Variants in SSX2IP observed in about 807,000 individuals in gnomAD.
SSX2IP encodes SSX family member 2 interacting protein.
Under a neutral mutation model 84.9 loss-of-function variants are expected in SSX2IP, and 55 were observed. The observed-to-expected ratio is 0.65, with a 90% CI of 0.52 to 0.81. SSX2IP has a LOEUF of 0.81. SSX2IP is among the 30% of genes least tolerant of loss of function. The pLI, the probability that SSX2IP is intolerant of heterozygous loss-of-function variation, is 0.00. For missense variants in SSX2IP, 664 were observed against 705.2 expected, an observed-to-expected ratio of 0.94 and a Z score of 0.66; for synonymous variants, 239 against 234.7, an observed-to-expected ratio of 1.02 and a Z score of -0.17.
At chr1:84,665,073 G>A (rs1202509551) in intron 5 of SSX2IP, among the ~76,000 whole-genome samples, 1 of 152,138 alleles carries the variant, frequency 6.6e-6, no homozygotes, top group Non-Finnish European at 1.5e-5. Flanking sequence ...TATCTACTAG[G>A]TGCCAGACAC....
In SSX2IP at chr1:84,662,170, C is replaced by A. The variant is rs202229942; in HGVS notation, c.927+28G>T. On this transcript the variant is annotated intron_variant, in intron 8 of 13. Transcript: ENST00000342203. ...ATTATTCTTATTAGCAATCTGAAGA[C>A]TGTATTAGAGAGGAAAGAGCCACTT... 5 of 1,440,438 alleles carry A rather than the reference C, an allele frequency of 3.5e-6. No individual in the cohort carries two copies. In the East Asian group the frequency reaches 1.1e-4, roughly 33 times the overall value. 89.2% of individuals were successfully genotyped at this position (1,440,438 alleles called of 1,614,324 possible).
In SSX2IP at chr1:84,666,178, G is replaced by A; in HGVS notation, c.481C>T (p.Gln161Ter). 1 of 1,612,778 alleles carries A rather than the reference G, an allele frequency of 6.2e-7. No individual in the cohort carries two copies. Among genetic ancestry groups the A allele is most frequent in the Non-Finnish European group, 8.5e-7 (1 of 1,179,300 alleles). The change falls in exon 5 of 14, where the codon CAG becomes TAG. Residue 161 changes from glutamine (Q) to a stop codon, truncating the protein, a stop_gained. Transcript: ENST00000342203. LOFTEE classifies it high-confidence loss of function. ...AAATTCCTGTTCTTACATTGTAACT[G>A]TCTGTCTCTTTCCTGAAGCCCAATC... ...EMIGLQERDR[Q>*]LQCKNRNLHQ...
chr1:84,650,134 A>T, intron 13 of SSX2IP: 1 of 616,584 alleles, frequency 1.6e-6, no homozygotes, highest in Non-Finnish European at 2.9e-6. Context: ...CATATGATTT[A>T]CCTCCAAGAA....
Position 84,670,773 on chromosome 1 carries a change from G to A in SSX2IP, c.86C>T (p.Ser29Phe). Residue 29 changes from serine to phenylalanine, a missense_variant, in exon 3 of 14, where the codon TCT becomes TTT. Ser to Phe is a radical substitution (Grantham distance 155). Coordinates refer to ENST00000342203, the MANE Select transcript of SSX2IP (RefSeq NM_001166293.2). Reference protein sequence around the residue: ...ISQYTSETKMSPSSLYSQQVL... With the variant: ...ISQYTSETKMFPSSLYSQQVL... ...TTGCTGTGAGTATAAACTTGATGGAGACATCTTTGTTTCTGAGGTATATTG... is the reference window on the plus strand; with the variant it reads ...TTGCTGTGAGTATAAACTTGATGGAAACATCTTTGTTTCTGAGGTATATTG... 6.2e-7 allele frequency: 1 copy of A among 1,612,720 alleles called. No individual in the cohort carries two copies. Among genetic ancestry groups the A allele is most frequent in the East Asian group, 2.2e-5 (1 of 44,782 alleles).
chr1:84,685,278 T>C (rs1449961776), intron 1 of SSX2IP, among the ~76,000 whole-genome samples: 6 of 152,234 alleles, frequency 3.9e-5, no homozygotes, highest in Non-Finnish European at 8.8e-5. Context: ...AATGACCCTC[T>C]TCCTTTAAAA....
intron 1 of SSX2IP, 41 bp from the exon 2 acceptor site, chr1:84,671,349 A>G: frequency 7.0e-7 from 1 of 1,426,564 alleles, no homozygotes; most frequent in Non-Finnish European, 9.2e-7. Flanking sequence ...CTAATTTAAA[A>G]TATGAAAGCC....
chr1:84,664,516 T>C lies in SSX2IP; in HGVS notation c.574A>G (p.Thr192Ala). Reference sequence around the variant, plus strand: ...CTCTTCATATCATGATTATACTGAGTAGCTCGACTTGCAATGATATTTTGT... The same window carrying C: ...CTCTTCATATCATGATTATACTGAGCAGCTCGACTTGCAATGATATTTTGT... ...KLQNIIASRATQYNHDMKRKE... is the reference protein window; with the variant it reads ...KLQNIIASRAAQYNHDMKRKE... The change falls in exon 6 of 14, where the codon ACT becomes GCT. Residue 192 changes from threonine (T) to alanine (A), a missense_variant. By Grantham distance (58) the Thr-to-Ala change is moderately conservative (BLOSUM62 0). Coordinates refer to ENST00000342203, the MANE Select transcript of SSX2IP (RefSeq NM_001166293.2). 1 of 1,589,590 alleles carries C rather than the reference T, an allele frequency of 6.3e-7. No homozygotes were observed. Among genetic ancestry groups the C allele is most frequent in the Non-Finnish European group, 8.5e-7 (1 of 1,171,030 alleles).
chr1:84,656,300 A>G (rs2994441), intron 10 of SSX2IP, 48 bp downstream of exon 10: 83,296 of 1,584,044 alleles, frequency 0.053, 2,935 homozygotes, highest in African/African-American at 0.17. Flanking sequence ...GTTCAGCACA[A>G]TTCTGGCTTT....
intron 9 of SSX2IP, among the ~76,000 whole-genome samples, chr1:84,657,870 C>T (rs1338789601): frequency 6.6e-6 from 1 of 152,148 alleles, no homozygotes; most frequent in Non-Finnish European, 1.5e-5. Flanking sequence ...CAGTGGCTCA[C>T]ACGTGTAATC....
chr1:84,653,808 T>C (rs1557471015), intron 11 of SSX2IP, among the ~76,000 whole-genome samples: 1 of 152,132 alleles, frequency 6.6e-6, no homozygotes, highest in Non-Finnish European at 1.5e-5. Flanking sequence ...AATAGAAAAC[T>C]GACCATGGAT....
chr1:84,649,320 T>A (rs1649893740), intron 13 of SSX2IP, among the ~76,000 whole-genome samples: 1 of 152,210 alleles, frequency 6.6e-6, no homozygotes, highest in Admixed American at 6.5e-5. Context: ...CCATTGCAAA[T>A]GTATGAGGTG....
chr1:84,651,814 G>C (rs1371928158), intron 12 of SSX2IP, 69 bp downstream of exon 12: 1 of 911,714 alleles, frequency 1.1e-6, no homozygotes, highest in East Asian at 2.7e-5. Flanking sequence ...ATAATATGTA[G>C]TATTTTGTAA....
At chr1:84,673,276 C>T (rs1416746458) in intron 1 of SSX2IP, among the ~76,000 whole-genome samples, 2 of 152,038 alleles carry the variant, frequency 1.3e-5, no homozygotes, top group Admixed American at 6.6e-5. Flanking sequence ...TCCACTGAAA[C>T]GGTGACATCT....
intron 8 of SSX2IP, among the ~76,000 whole-genome samples, chr1:84,658,735 T>C (rs762291562): frequency 1.3e-5 from 2 of 152,236 alleles, no homozygotes; most frequent in Non-Finnish European, 2.9e-5. Flanking sequence ...TATCACTACC[T>C]GTCTAATGTG....
In SSX2IP at chr1:84,649,328, G is replaced by T. The variant is rs1453066199; in HGVS notation, c.1670+1034C>A. On this transcript the variant is annotated intron_variant, in intron 13 of 13. Transcript: ENST00000342203. ...TTGGTCACCATTGCAAATGTATGAG[G>T]TGTGTCCCACCCTCAGGGTTCCTAC... 2.0e-5 allele frequency among the ~76,000 whole-genome samples: 3 copies of T among 152,110 alleles called. No individual in the cohort carries two copies. In the East Asian group the frequency reaches 5.8e-4, roughly 29 times the overall value.
Position 84,649,397 on chromosome 1 carries a change from A to G in SSX2IP, c.1670+965T>C, listed in dbSNP as rs145502530. Among the ~76,000 whole-genome samples the G allele has an allele frequency of 2.8e-3, 433 of 152,218 alleles. 1 individual carries two copies. Among genetic ancestry groups the G allele is most frequent in the Non-Finnish European group, 5.2e-3 (354 of 68,008 alleles). ...TACCTAGCTCTTTTTCATCCCCTCT[A>G]ACATTTACTTGGAGTCCTAATCCCC... On this transcript the variant is annotated intron_variant, in intron 13 of 13. Coordinates refer to ENST00000342203, the MANE Select transcript of SSX2IP (RefSeq NM_001166293.2).
chr1:84,655,409 T>C (rs1454992669), intron 11 of SSX2IP: 20 of 1,285,634 alleles, frequency 1.6e-5, no homozygotes, highest in Non-Finnish European at 1.9e-5. Context: ...CTGTAGAGCG[T>C]ATATATAACA....
At chr1:84,675,896 T>C (rs1200751540) in intron 1 of SSX2IP, among the ~76,000 whole-genome samples, 2 of 152,168 alleles carry the variant, frequency 1.3e-5, no homozygotes, top group African/African-American at 4.8e-5. Flanking sequence ...CCACTTCAAG[T>C]TGTCCCGCCT....
chr1:84,650,972 T>C (rs914956576), intron 12 of SSX2IP, among the ~76,000 whole-genome samples: 1 of 152,130 alleles, frequency 6.6e-6, no homozygotes, highest in Non-Finnish European at 1.5e-5. Flanking sequence ...CCCAAAGTGC[T>C]GGGATTACAG....
Sources: allele counts gnomAD v4.1 joint callset (sites outside exome capture counted in the v4.1 genomes callset), GRCh38; gene constraint gnomAD v4.1.1; transcripts MANE v1.5; gene names NCBI Gene and HGNC (gene_info 2026-07-23, HGNC 2026-07-21).